The following HELB variants were observed in gnomAD, a reference collection of about 807,000 sequenced individuals.
HELB encodes the protein DNA 5'-3' helicase B.
A neutral mutation model predicts 101.7 loss-of-function variants in HELB; 96 were observed. The observed-to-expected ratio is 0.94, with a 90% confidence interval of 0.80 to 1.12. The LOEUF (loss-of-function observed/expected upper bound fraction) is 1.12. Among genes scored for constraint, HELB ranks in the 50% most tolerant of loss-of-function variants. The probability of loss-of-function intolerance (pLI) is 0.00; values close to 1 mark genes in which losing one functional copy is unlikely to be tolerated. For missense variants in HELB, 1,210 were observed against 1,291.9 expected (o/e 0.94, Z 0.97); for synonymous variants, 437 against 459.7 (o/e 0.95, Z 0.63).
chr12:66,314,159 C>A lies in HELB; in HGVS notation c.1854C>A (p.Ile618=), dbSNP rs777947796. 6.2e-7 allele frequency: 1 copy of A among 1,610,874 alleles called. No individual in the cohort carries two copies. ...ACTCCAAACTTTCTAAGCTTATTAT[C>A]CTTGGTAAGTTAAAATATTGTTGGA... The part of the protein sequence containing the change: ...CEHSKLSKLI[I]LGDIRQLPSI... Residue 618 remains isoleucine (I), a synonymous_variant, in exon 5 of 13, where the codon ATC becomes ATA. Transcript: ENST00000247815.
At chr12:66,312,323 C>G (rs2053554333) in intron 4 of HELB, among the ~76,000 whole-genome samples, 1 of 152,154 alleles carries the variant, frequency 6.6e-6, no homozygotes, top group South Asian at 2.1e-4. Flanking sequence ...AACAATGAAA[C>G]TCGAACTTGA....
In HELB at chr12:66,331,360, C is replaced by T. The variant is rs201547935; in HGVS notation, c.2877C>T (p.Gly959=). 8.1e-6 allele frequency: 13 copies of T among 1,614,192 alleles called. No individual in the cohort carries two copies. The highest frequency in any genetic ancestry group is 1.6e-4 in the Middle Eastern group (1 of 6,062). Residue 959 remains glycine, a synonymous_variant, in exon 12 of 13, where the codon GGC becomes GGT. Coordinates refer to ENST00000247815, the MANE Select transcript of HELB (RefSeq NM_001370285.1). ...HFLQSKLSSS[G]APPADFPSPR... Reference sequence around the variant, plus strand: ...TGCAAAGTAAGCTCTCCTCTAGCGGCGCACCTCCAGCAGATTTTCCGTCCC... The same window carrying T: ...TGCAAAGTAAGCTCTCCTCTAGCGGTGCACCTCCAGCAGATTTTCCGTCCC...
chr12:66,321,012 G>A (rs760595334), intron 7 of HELB, among the ~76,000 whole-genome samples: 9 of 152,200 alleles, frequency 5.9e-5, no homozygotes, highest in Non-Finnish European at 1.3e-4. Flanking sequence ...GAAGCCAGGG[G>A]TTGGTTGAGG....
chr12:66,314,241 G>GGTT, intron 5 of HELB, 78 bp downstream of exon 5: 10 of 1,275,550 alleles, frequency 7.8e-6, no homozygotes, highest in Non-Finnish European at 1.1e-5. Context: ...CCATTTAGTT[G>GGTT]GTTGTTTACA....
chr12:66,306,878 T>C lies in HELB; in HGVS notation c.777+364T>C, dbSNP rs568127168. Reference sequence around the variant, plus strand: ...ATTGAGGTCAACAGCTCTTACAAATTTGGCAAGTCCATTCTGCTGTGCAAC... The same window carrying C: ...ATTGAGGTCAACAGCTCTTACAAATCTGGCAAGTCCATTCTGCTGTGCAAC... On this transcript the variant is annotated intron_variant, in intron 3 of 12. Coordinates refer to ENST00000247815, the MANE Select transcript of HELB (RefSeq NM_001370285.1). Among the ~76,000 whole-genome samples, 7 of 152,340 alleles carry C rather than the reference T, an allele frequency of 4.6e-5. No individual in the cohort carries two copies. In the South Asian group the frequency reaches 1.5e-3, roughly 32 times the overall value.
intron 3 of HELB, among the ~76,000 whole-genome samples, chr12:66,308,287 G>A (rs1220018322): frequency 6.6e-6 from 1 of 152,092 alleles, no homozygotes; most frequent in African/African-American, 2.4e-5. Flanking sequence ...GAGATTATCT[G>A]GTGGTGACTC....
chr12:66,310,691 G>A, intron 4 of HELB, 83 bp downstream of exon 4: 1 of 1,247,518 alleles, frequency 8.0e-7, no homozygotes, highest in South Asian at 1.4e-5. Flanking sequence ...CAGAACTTTT[G>A]GGAGACTGAG....
At chr12:66,314,207 AT>A in intron 5 of HELB, 44 bp downstream of exon 5, 1 of 1,569,730 alleles carries the variant, frequency 6.4e-7, no homozygotes, top group Non-Finnish European at 8.7e-7. Context: ...ATTTCAAAGT[AT>A]TGTGGTTAGT....
At chr12:66,338,347 A>G (rs987417410), downstream of HELB, 13 of 282,534 alleles carry the variant, frequency 4.6e-5, no homozygotes, top group African/African-American at 2.5e-4. Context: ...TTTTTATACA[A>G]TTATGTACAT....
In HELB at chr12:66,331,373, G is replaced by T. The variant is rs541597439; in HGVS notation, c.2890G>T (p.Asp964Tyr). ...CTCCTCTAGCGGCGCACCTCCAGCA[G>T]ATTTTCCGTCCCCACGGAAGAGCTC... ...KLSSSGAPPA[D>Y]FPSPRKSSGD... Residue 964 changes from aspartate to tyrosine, a missense_variant, in exon 12 of 13, where the codon GAT becomes TAT. Asp to Tyr is a radical substitution (Grantham distance 160). This residue lies in a region of HELB where 740 missense variants were observed against 728.8 expected (regional missense o/e 1.02). Coordinates refer to ENST00000247815, the MANE Select transcript of HELB (RefSeq NM_001370285.1). 2 of 1,614,226 alleles carry T rather than the reference G, an allele frequency of 1.2e-6. No homozygotes were observed. Among genetic ancestry groups the T allele is most frequent in the South Asian group, 2.2e-5 (2 of 91,086 alleles).
chr12:66,305,120 A>G lies in HELB; in HGVS notation c.577A>G (p.Asn193Asp), dbSNP rs1318125053. Reference sequence around the variant, plus strand: ...TGGTCAGGAAGAGTTGTTCCTAGACAATGAGATGAGTCTTCCTCTGGAAAA... The same window carrying G: ...TGGTCAGGAAGAGTTGTTCCTAGACGATGAGATGAGTCTTCCTCTGGAAAA... Reference protein sequence around the residue: ...QNGQEELFLDNEMSLPLENTI... With the variant: ...QNGQEELFLDDEMSLPLENTI... Residue 193 changes from asparagine (N) to aspartate (D), a missense_variant, in exon 2 of 13, where the codon AAT becomes GAT. Physicochemically the swap from Asn to Asp is conservative, Grantham distance 23. Coordinates refer to ENST00000247815, the MANE Select transcript of HELB (RefSeq NM_001370285.1). The G allele has an allele frequency of 1.3e-6, 2 of 1,574,174 alleles. No homozygotes were observed. The highest frequency in any genetic ancestry group is 1.4e-5 in the African/African-American group (1 of 72,512).
At chr12:66,319,806 G>A (rs779989379) in intron 7 of HELB, among the ~76,000 whole-genome samples, 5 of 151,786 alleles carry the variant, frequency 3.3e-5, no homozygotes, top group Non-Finnish European at 7.4e-5. Flanking sequence ...CCGTGGGTTA[G>A]TGATCATTTA....
In HELB at chr12:66,310,122, CGAT is replaced by C; in HGVS notation, c.1199_1201del (p.Asp400del). On this transcript the variant is annotated inframe_deletion, in exon 4 of 13. Coordinates refer to ENST00000247815, the MANE Select transcript of HELB (RefSeq NM_001370285.1). The stretch of plus-strand genomic sequence containing the variant: ...ACACCACAAAACCTGAGAATTCAAG[CGAT>C]GATGCATTGAATGAGAGCAAACCTG... 6.2e-7 allele frequency: 1 copy of C among 1,614,102 alleles called. No individual in the cohort carries two copies.
rs1181610830 is a variant in HELB, at chr12:66,338,160, C to T, written c.*58C>T. On this transcript the variant is annotated 3_prime_UTR_variant, in exon 13 of 13. Transcript: ENST00000247815. ...TTTCTATTGGAGACAAAATGAACATCGTAACGTCAAAGTACCAAGATAAAA... is the reference window on the plus strand; with the variant it reads ...TTTCTATTGGAGACAAAATGAACATTGTAACGTCAAAGTACCAAGATAAAA... 8 of 1,007,932 alleles carry T rather than the reference C, an allele frequency of 7.9e-6. No homozygotes were observed. Among genetic ancestry groups the T allele is most frequent in the East Asian group, 2.4e-5 (1 of 41,956 alleles). 62.4% of individuals were successfully genotyped at this position (1,007,932 alleles called of 1,614,324 possible).
At position 66,306,474 on chromosome 12, in the gene HELB, A is replaced by G. The variant is rs2053477723; in HGVS notation, c.737A>G (p.Glu246Gly). The G allele has an allele frequency of 6.2e-7, 1 of 1,602,450 alleles. No homozygotes were observed. Among genetic ancestry groups the G allele is most frequent in the African/African-American group, 1.3e-5 (1 of 74,456 alleles). ...GSKEMLKEIEEILGTHPWKLG... is the reference protein window; with the variant it reads ...GSKEMLKEIEGILGTHPWKLG... The stretch of plus-strand genomic sequence containing the variant: ...AAAGAGATGTTGAAAGAGATAGAAG[A>G]GATTTTAGGTACACATCCGTGGAAA... Residue 246 changes from glutamate (E) to glycine (G), a missense_variant, in exon 3 of 13, where the codon GAG becomes GGG. Around this residue, in one of 2 missense-constraint regions of HELB, gnomAD observed 470 missense variants for 563.1 expected, o/e 0.83. Transcript: ENST00000247815.
intron 12 of HELB, among the ~76,000 whole-genome samples, chr12:66,335,052 G>A (rs927724619): frequency 6.6e-6 from 1 of 152,162 alleles, no homozygotes; most frequent in Admixed American, 6.5e-5. Flanking sequence ...GCAATTTGGG[G>A]AATAGCAGTG....
intron 7 of HELB, 39 bp downstream of exon 7, chr12:66,318,831 A>G (rs1397875954): frequency 6.7e-7 from 1 of 1,489,646 alleles, no homozygotes; most frequent in Non-Finnish European, 9.0e-7. Flanking sequence ...GTTAAGTATA[A>G]CTATTTAAGT....
At chr12:66,314,460 G>T (rs1012838222) in intron 5 of HELB, among the ~76,000 whole-genome samples, 1 of 152,076 alleles carries the variant, frequency 6.6e-6, no homozygotes, top group African/African-American at 2.4e-5. Context: ...AGTAAATCAG[G>T]ATGTGAATCA....
chr12:66,334,471 G>GAAAAA (rs34530283), intron 12 of HELB, among the ~76,000 whole-genome samples: 2 of 109,532 alleles, frequency 1.8e-5, no homozygotes, highest in Non-Finnish European at 1.9e-5. Context: ...CAAAAAAAAA[G>GAAAAA]AAAAAAAAAA....
Sources: allele counts gnomAD v4.1 joint callset (sites outside exome capture counted in the v4.1 genomes callset), GRCh38; gene constraint gnomAD v4.1.1; regional missense constraint gnomAD v4.1.1; transcripts MANE v1.5; gene names NCBI Gene and HGNC (gene_info 2026-07-23, HGNC 2026-07-21).